SMAD6: variants seen among roughly 807,000 people sequenced by gnomAD.
SMAD6 encodes the protein MAD homolog 6.
In SMAD6, 103 loss-of-function variants were observed where a neutral mutation model predicts 39.4. That is an observed-to-expected ratio of 2.62 (90% CI 2.23 to 3.08). SMAD6 has a LOEUF of 3.08. Ranked by LOEUF, SMAD6 falls within the 30% of genes most tolerant of loss-of-function variation. SMAD6 has a pLI of 0.00. For missense variants in SMAD6, 1,104 were observed against 742.9 expected (o/e 1.49, Z -5.65); for synonymous variants, 445 against 353.3 (o/e 1.26, Z -2.91).
chr15:66,757,032 T>TG (rs1356227993), intron 3 of SMAD6, among the ~76,000 whole-genome samples: 2 of 152,246 alleles, frequency 1.3e-5, no homozygotes, highest in East Asian at 3.9e-4. Context: ...GGGTTAGCGA[T>TG]GGGGGGCTTC....
In SMAD6 at chr15:66,747,654, C is replaced by T. The variant is rs1893930322; in HGVS notation, c.952+31156C>T. Among the ~76,000 whole-genome samples, 1 of 152,198 alleles carries T rather than the reference C, an allele frequency of 6.6e-6. No individual in the cohort carries two copies. Among genetic ancestry groups the T allele is most frequent in the Admixed American group, 6.5e-5 (1 of 15,284 alleles). ...TCCTCGGACACTGACTCCACGGTTT[C>T]CCCCTTAGTCATACCTACCTAGGAT... On this transcript the variant is annotated intron_variant, in intron 3 of 3. Coordinates refer to ENST00000288840, the MANE Select transcript of SMAD6 (RefSeq NM_005585.5). This position sits in a 1 kb window ranked among gnomAD's most constrained non-coding sequence, Gnocchi z 4.5.
At chr15:66,737,772 G>GA (rs1893740066) in intron 3 of SMAD6, among the ~76,000 whole-genome samples, 1 of 151,878 alleles carries the variant, frequency 6.6e-6, no homozygotes, top group Non-Finnish European at 1.5e-5. Context: ...TGGGGAGGTG[G>GA]AAAAAGGCCC....
At chr15:66,706,865 T>A (rs549415224) in intron 1 of SMAD6, 113 of 152,416 alleles carry the variant, frequency 7.4e-4, no homozygotes, top group African/African-American at 2.6e-3. Flanking sequence ...GCCTTGGGGC[T>A]AGTTTCCTCT....
At chr15:66,755,603 G>A (rs1894083282) in intron 3 of SMAD6, among the ~76,000 whole-genome samples, 1 of 152,180 alleles carries the variant, frequency 6.6e-6, no homozygotes, top group Non-Finnish European at 1.5e-5. Flanking sequence ...CAGTGTTGAA[G>A]GCTGTGTCTG....
rs765573567 is a variant in SMAD6, at chr15:66,704,046, C to T, written c.788C>T (p.Pro263Leu). ...GACGGCCCTACCGTGTGCTGCAACC[C>T]CTACCACTTCAGCCGGCTCTGCGGG... ...AADGPTVCCN[P>L]YHFSRLCGPE... The change falls in exon 1 of 4, where the codon CCC becomes CTC. Residue 263 changes from proline to leucine, a missense_variant. Transcript: ENST00000288840. 7 of 1,510,362 alleles carry T rather than the reference C, an allele frequency of 4.6e-6. No individual in the cohort carries two copies. Among genetic ancestry groups the T allele is most frequent in the South Asian group, 1.2e-5 (1 of 81,780 alleles). 93.6% of individuals were successfully genotyped at this position (1,510,362 alleles called of 1,614,324 possible). A position where few individuals can be genotyped will look rare whatever the true frequency, so the allele number is the denominator to read the frequency against.
intron 3 of SMAD6, among the ~76,000 whole-genome samples, chr15:66,735,235 C>T (rs554946006): frequency 1.3e-5 from 2 of 152,348 alleles, no homozygotes; most frequent in Middle Eastern, 3.4e-3. Context: ...TGGGTGGGAG[C>T]CAGAGTGGAT....
At chr15:66,750,567 A>AG (rs1893985484) in intron 3 of SMAD6, among the ~76,000 whole-genome samples, 1 of 152,152 alleles carries the variant, frequency 6.6e-6, no homozygotes, top group South Asian at 2.1e-4. Flanking sequence ...TTTGGTGCCA[A>AG]GGGGCAGTTT....
rs555751018 is a variant in SMAD6 at position 66,719,481 on chromosome 15, G to T, written c.952+2983G>T. Among the ~76,000 whole-genome samples the T allele has an allele frequency of 3.9e-5, 6 of 152,240 alleles. No homozygotes were observed. The East Asian group carries it at 1.2e-3, about 29-fold the overall frequency. Reference sequence around the variant, plus strand: ...GCCTTCCATCTCCCGGAGTTCTGGGGGTCTGCCGATCCCGAGAGCCTTGTT... The same window carrying T: ...GCCTTCCATCTCCCGGAGTTCTGGGTGTCTGCCGATCCCGAGAGCCTTGTT... On this transcript the variant is annotated intron_variant, in intron 3 of 3. Coordinates refer to ENST00000288840, the MANE Select transcript of SMAD6 (RefSeq NM_005585.5).
rs1255529992 is a variant in SMAD6, at chr15:66,747,267, A to G, written c.952+30769A>G. Among the ~76,000 whole-genome samples the G allele has an allele frequency of 6.6e-6, 1 of 152,234 alleles. No individual in the cohort carries two copies. The highest frequency in any genetic ancestry group is 2.4e-5 in the African/African-American group (1 of 41,464). The stretch of plus-strand genomic sequence containing the variant: ...CAGGCCAGCGGGATATGGATGGGCC[A>G]TGGGCCTCTGGCTGCCAAGGCCTGG... On this transcript the variant is annotated intron_variant, in intron 3 of 3. Coordinates refer to ENST00000288840, the MANE Select transcript of SMAD6 (RefSeq NM_005585.5). This position sits in a 1 kb window ranked among gnomAD's most constrained non-coding sequence, Gnocchi z 4.5.
chr15:66,745,990 G>A (rs1360868283), intron 3 of SMAD6, among the ~76,000 whole-genome samples: 1 of 152,210 alleles, frequency 6.6e-6, no homozygotes, highest in East Asian at 1.9e-4. Context: ...TTGCAGGCAG[G>A]TGTGGCCATT....
chr15:66,773,299 G>A (rs1018999705), intron 3 of SMAD6, among the ~76,000 whole-genome samples: 2 of 152,166 alleles, frequency 1.3e-5, no homozygotes, highest in Non-Finnish European at 1.5e-5. Flanking sequence ...AGAGAGGCTC[G>A]TTCTAAGCTG....
intron 1 of SMAD6, 91 bp from the exon 2 acceptor site, chr15:66,711,577 A>G (rs143353691): frequency 4.5e-4 from 450 of 1,004,316 alleles, no homozygotes; most frequent in African/African-American, 3.3e-3. Context: ...GGCTGAGTTT[A>G]TTATTTGGGA....
At position 66,781,197 on chromosome 15, in the gene SMAD6, A is replaced by G. The variant is rs755831442; in HGVS notation, c.1153A>G (p.Ser385Gly). Residue 385 changes from serine (S) to glycine (G), a missense_variant, in exon 4 of 4, where the codon AGC becomes GGC. By Grantham distance (56) the Ser-to-Gly change is moderately conservative. Transcript: ENST00000288840. ...CAGCGAGTCGGTGCGGCGAACGCGCAGCAAGATCGGCTTCGGCATCCTGCT... is the reference window on the plus strand; with the variant it reads ...CAGCGAGTCGGTGCGGCGAACGCGCGGCAAGATCGGCTTCGGCATCCTGCT... ...QRSESVRRTR[S>G]KIGFGILLSK... 9.9e-6 allele frequency: 16 copies of G among 1,608,306 alleles called. No individual in the cohort carries two copies. The South Asian group carries it at 1.5e-4, about 15-fold the overall frequency.
At chr15:66,750,303 T>G (rs973740729) in intron 3 of SMAD6, among the ~76,000 whole-genome samples, 4 of 152,316 alleles carry the variant, frequency 2.6e-5, no homozygotes, top group Admixed American at 1.3e-4. Context: ...TTGCATATCT[T>G]AGCTCCGAGT....
At position 66,729,310 on chromosome 15, in the gene SMAD6, C is replaced by A. The variant is rs566400788; in HGVS notation, c.952+12812C>A. On this transcript the variant is annotated intron_variant, in intron 3 of 3. Coordinates refer to ENST00000288840, the MANE Select transcript of SMAD6 (RefSeq NM_005585.5). ...TAATGTCCTTTCCTAAGGCCCTGGG[C>A]AGTGCACTCTGGGAAAAACAAAAAG... Among the ~76,000 whole-genome samples, 7 of 152,286 alleles carry A rather than the reference C, an allele frequency of 4.6e-5. No individual in the cohort carries two copies. In the East Asian group the frequency reaches 1.4e-3, roughly 29 times the overall value.
chr15:66,778,255 A>G (rs1004221203), intron 3 of SMAD6, among the ~76,000 whole-genome samples: 3 of 151,932 alleles, frequency 2.0e-5, no homozygotes, highest in Admixed American at 1.3e-4. Flanking sequence ...TAATTTTTAA[A>G]AGTTTTTTTA....
At chr15:66,717,749 A>G (rs917507356) in intron 3 of SMAD6, among the ~76,000 whole-genome samples, 1 of 152,216 alleles carries the variant, frequency 6.6e-6, no homozygotes, top group African/African-American at 2.4e-5. Flanking sequence ...GGGTCCCACA[A>G]TGGGCAACCT....
At chr15:66,716,351 C>G in intron 2 of SMAD6, 70 bp from the exon 3 acceptor site, 1 of 1,071,332 alleles carries the variant, frequency 9.3e-7, no homozygotes. Context: ...TACAGAGATG[C>G]ATGAGAAAGA....
intron 3 of SMAD6, among the ~76,000 whole-genome samples, chr15:66,763,778 G>A (rs985878630): frequency 6.6e-6 from 1 of 152,252 alleles, no homozygotes; most frequent in Admixed American, 6.5e-5. Context: ...TAACGCCTGA[G>A]GGGTTCCACA....
Sources: gnomAD v4.1 joint callset for allele counts (sites outside exome capture counted in the v4.1 genomes callset) on GRCh38, gnomAD v4.1.1 for gene constraint, Gnocchi (gnomAD v3.1) non-coding constraint, MANE v1.5 for transcripts, NCBI Gene and HGNC (gene_info 2026-07-23, HGNC 2026-07-21) for gene names.